ZFAND3: variants seen among roughly 807,000 people sequenced by gnomAD.
ZFAND3 encodes zinc finger AN1-type containing 3.
ZFAND3 carries 10 observed loss-of-function variants against 29.6 expected under a neutral mutation model. The observed-to-expected ratio is 0.34, with a 90% CI of 0.21 to 0.57. ZFAND3 has a LOEUF of 0.57. ZFAND3 is among the 20% of genes least tolerant of loss of function. The pLI is 0.86. For synonymous variants in ZFAND3, 128 were observed against 112.6 expected (o/e 1.14, Z -0.87); for missense variants, 230 against 304.5 (o/e 0.76, Z 1.82).
intron 2 of ZFAND3, among the ~76,000 whole-genome samples, chr6:38,044,962 C>T (rs895694748): frequency 1.3e-5 from 2 of 152,038 alleles, no homozygotes; most frequent in Non-Finnish European, 2.9e-5. Context: ...GGTTTTTCAA[C>T]TCCTCCTGTT....
intron 1 of ZFAND3, among the ~76,000 whole-genome samples, chr6:37,904,269 A>G (rs1326610791): frequency 6.6e-6 from 1 of 152,176 alleles, no homozygotes; most frequent in African/African-American, 2.4e-5. Context: ...CACCTTTGAC[A>G]TGCAGCAGAA....
intron 4 of ZFAND3, among the ~76,000 whole-genome samples, chr6:38,110,782 A>G (rs1765300555): frequency 6.6e-6 from 1 of 152,146 alleles, no homozygotes; most frequent in South Asian, 2.1e-4. Flanking sequence ...TTGTTGCCGC[A>G]TTGCTTCTCC....
chr6:37,959,269 G>A (rs370449644), intron 2 of ZFAND3, among the ~76,000 whole-genome samples: 3 of 152,354 alleles, frequency 2.0e-5, no homozygotes, highest in Admixed American at 6.5e-5. Flanking sequence ...ACAGCAGAAC[G>A]TGTTTCAACA....
chr6:38,046,621 A>G (rs890402099), intron 2 of ZFAND3, among the ~76,000 whole-genome samples: 4 of 152,186 alleles, frequency 2.6e-5, no homozygotes, highest in African/African-American at 7.2e-5. Flanking sequence ...AAAATTTAAT[A>G]CATTGACTTA....
At chr6:37,910,005 A>G (rs1163766370) in intron 1 of ZFAND3, among the ~76,000 whole-genome samples, 1 of 152,216 alleles carries the variant, frequency 6.6e-6, no homozygotes, top group East Asian at 1.9e-4. Flanking sequence ...ATAAATTTAC[A>G]TGATTTGCGT....
At chr6:37,989,443 CAG>C (rs146402170) in intron 2 of ZFAND3, among the ~76,000 whole-genome samples, 1 of 151,614 alleles carries the variant, frequency 6.6e-6, no homozygotes, top group Non-Finnish European at 1.5e-5. Context: ...GTCCACATGG[CAG>C]AGAGAGAGAG....
intron 2 of ZFAND3, among the ~76,000 whole-genome samples, chr6:37,974,400 CTCTTTTTTTTT>C (rs1762444514): frequency 1.0e-5 from 1 of 99,802 alleles, no homozygotes; most frequent in Non-Finnish European, 1.9e-5. Context: ...CTCTCTCTCT[CTCTTTTTTTTT>C]TTTTTTTTTT....
intron 1 of ZFAND3, among the ~76,000 whole-genome samples, chr6:37,876,233 C>T (rs1397272149): frequency 2.0e-5 from 3 of 152,126 alleles, no homozygotes; most frequent in African/African-American, 7.2e-5. Flanking sequence ...AATTTCTGTT[C>T]CAAGTTTTGT....
chr6:38,072,448 G>A (rs927805841), intron 3 of ZFAND3, among the ~76,000 whole-genome samples: 1 of 151,916 alleles, frequency 6.6e-6, no homozygotes, highest in African/African-American at 2.4e-5. Flanking sequence ...CCCCCAATAT[G>A]GATTTCTTTA....
intron 2 of ZFAND3, among the ~76,000 whole-genome samples, chr6:38,061,225 T>C (rs764196842): frequency 2.0e-4 from 31 of 152,194 alleles, no homozygotes; most frequent in Non-Finnish European, 4.3e-4. Context: ...TACTCTGCTG[T>C]TTTCTCTGCT....
At position 38,094,077 on chromosome 6, in the gene ZFAND3, A is replaced by G. The variant is rs552951813; in HGVS notation, c.361+11620A>G. Among the ~76,000 whole-genome samples the G allele has an allele frequency of 2.6e-5, 4 of 152,314 alleles. No homozygotes were observed. The South Asian group carries it at 8.3e-4, about 32-fold the overall frequency. ...AGATTTTCTCAGTAAATGAGTAGAT[A>G]GTTAGCTGAGACAAGATGAACTAGG... On this transcript the variant is annotated intron_variant, in intron 4 of 5. Coordinates refer to ENST00000287218, the MANE Select transcript of ZFAND3 (RefSeq NM_021943.3).
chr6:38,017,693 C>T (rs1303196622), intron 2 of ZFAND3, among the ~76,000 whole-genome samples: 5 of 151,402 alleles, frequency 3.3e-5, no homozygotes, highest in Non-Finnish European at 7.4e-5. Flanking sequence ...GAAACTCCTG[C>T]TCCCATTAAA....
chr6:38,006,822 A>G (rs985098099), intron 2 of ZFAND3, among the ~76,000 whole-genome samples: 21 of 152,132 alleles, frequency 1.4e-4, no homozygotes, highest in African/African-American at 4.1e-4. Context: ...CTTCCAGTCC[A>G]GACTCATCCG....
At chr6:37,888,991 T>C (rs1765047530) in intron 1 of ZFAND3, among the ~76,000 whole-genome samples, 1 of 152,342 alleles carries the variant, frequency 6.6e-6, no homozygotes, top group African/African-American at 2.4e-5. Context: ...TTTTGCAGAC[T>C]AGCAGTAGCA....
chr6:38,042,160 T>G (rs1561977438), intron 2 of ZFAND3, among the ~76,000 whole-genome samples: 1 of 151,862 alleles, frequency 6.6e-6, no homozygotes, highest in Non-Finnish European at 1.5e-5. Flanking sequence ...ACTTGTTTTG[T>G]TTTCCTTAAA....
intron 2 of ZFAND3, among the ~76,000 whole-genome samples, chr6:38,040,437 A>G (rs1045910525): frequency 5.3e-5 from 8 of 152,166 alleles, no homozygotes; most frequent in Admixed American, 3.9e-4. Context: ...AGATTGCACA[A>G]CATCCTGTTG....
intron 2 of ZFAND3, among the ~76,000 whole-genome samples, chr6:37,932,251 ACT>A (rs1056710473): frequency 7.4e-6 from 1 of 135,004 alleles, no homozygotes; most frequent in Non-Finnish European, 1.6e-5. Context: ...CCAGAACGAG[ACT>A]CTGTCTCAAA....
chr6:38,060,223 T>C (rs1439949864), intron 2 of ZFAND3, among the ~76,000 whole-genome samples: 1 of 152,164 alleles, frequency 6.6e-6, no homozygotes, highest in Non-Finnish European at 1.5e-5. Flanking sequence ...CTGTGTATAC[T>C]AAGGGACGAC....
chr6:38,049,924 C>T (rs1379124315), intron 2 of ZFAND3, among the ~76,000 whole-genome samples: 2 of 119,274 alleles, frequency 1.7e-5, no homozygotes, highest in Non-Finnish European at 3.4e-5. Context: ...TCTTCATTCA[C>T]CACTTTTGAG....
Sources: allele counts gnomAD v4.1 joint callset (sites outside exome capture counted in the v4.1 genomes callset), GRCh38; gene constraint gnomAD v4.1.1; transcripts MANE v1.5; gene names NCBI Gene and HGNC (gene_info 2026-07-23, HGNC 2026-07-21).